The following ASF1B variants were observed in gnomAD, a reference collection of about 807,000 sequenced individuals.
ASF1B encodes the protein histone chaperone ASF1B.
In ASF1B, 10 loss-of-function variants were observed where a neutral mutation model predicts 16.6. The observed-to-expected ratio is 0.60, with a 90% CI of 0.37 to 1.02. ASF1B has a LOEUF of 1.02. ASF1B is among the 50% of genes least tolerant of loss of function. The pLI, the probability that ASF1B is intolerant of heterozygous loss-of-function variation, is 0.01. For missense variants in ASF1B, 240 were observed against 266.0 expected (o/e 0.90, Z 0.68); for synonymous variants, 101 against 106.2 (o/e 0.95, Z 0.30).
chr19:14,134,461 C>T (rs1334662081), intron 1 of ASF1B, among the ~76,000 whole-genome samples: 2 of 152,042 alleles, frequency 1.3e-5, no homozygotes, highest in Non-Finnish European at 2.9e-5. Flanking sequence ...AAAACACCTA[C>T]CTGCCCCCGA....
intron 2 of ASF1B, among the ~76,000 whole-genome samples, chr19:14,125,432 G>A (rs1354115023): frequency 6.6e-6 from 1 of 150,508 alleles, no homozygotes; most frequent in Non-Finnish European, 1.5e-5. Context: ...GTAAATAATG[G>A]GAATTGCCTG....
chr19:14,123,794 T>TA (rs1037844165), intron 2 of ASF1B, among the ~76,000 whole-genome samples: 2 of 150,260 alleles, frequency 1.3e-5, no homozygotes, highest in Non-Finnish European at 3.0e-5. Context: ...CTATTTTTTT[T>TA]TTTTTTTTTT....
intron 2 of ASF1B, among the ~76,000 whole-genome samples, chr19:14,125,198 C>T (rs1416365018): frequency 2.0e-5 from 3 of 152,124 alleles, no homozygotes; most frequent in Non-Finnish European, 4.4e-5. Context: ...AACTCCTGAC[C>T]TCAGGCGATC....
intron 3 of ASF1B, chr19:14,121,283 T>TC (rs1599355951): frequency 4.4e-6 from 2 of 449,484 alleles, no homozygotes; most frequent in East Asian, 6.9e-5. Context: ...TCATTTTTTT[T>TC]TTTTTTTTTT....
intron 1 of ASF1B, among the ~76,000 whole-genome samples, chr19:14,128,780 T>C (rs990208145): frequency 1.3e-5 from 2 of 152,328 alleles, no homozygotes; most frequent in African/African-American, 4.8e-5. Context: ...TTGTTACAAG[T>C]AGTGACACAA....
intron 1 of ASF1B, among the ~76,000 whole-genome samples, chr19:14,126,896 T>C (rs1967326706): frequency 6.6e-6 from 1 of 152,178 alleles, no homozygotes; most frequent in African/African-American, 2.4e-5. Flanking sequence ...TGTGAGCCAC[T>C]GCGCCCGGCC....
chr19:14,130,471 C>A (rs1209648963), intron 1 of ASF1B, among the ~76,000 whole-genome samples: 1 of 150,624 alleles, frequency 6.6e-6, no homozygotes, highest in Non-Finnish European at 1.5e-5. Flanking sequence ...GAGTTCAAGT[C>A]CAGTCTGGGC....
chr19:14,123,885 G>A (rs1967279771), intron 2 of ASF1B, among the ~76,000 whole-genome samples: 1 of 151,456 alleles, frequency 6.6e-6, no homozygotes, highest in South Asian at 2.1e-4. Context: ...CCGCCCCCTG[G>A]ATTCAAATAA....
chr19:14,133,400 G>A (rs888344469), intron 1 of ASF1B, among the ~76,000 whole-genome samples: 1 of 152,152 alleles, frequency 6.6e-6, no homozygotes, highest in Admixed American at 6.5e-5. Flanking sequence ...GGACGCAGTG[G>A]CTCACGCCTG....
intron 2 of ASF1B, among the ~76,000 whole-genome samples, chr19:14,123,992 A>G (rs1163147516): frequency 1.3e-5 from 2 of 151,932 alleles, no homozygotes; most frequent in Non-Finnish European, 2.9e-5. Context: ...GGGTTTCACC[A>G]TGTTGGCCAG....
At chr19:14,121,830 CTT>C in intron 2 of ASF1B, 122 bp from the exon 3 acceptor site, 1 of 896,114 alleles carries the variant, frequency 1.1e-6, no homozygotes, top group Non-Finnish European at 1.6e-6. Flanking sequence ...CCTCAGTTTT[CTT>C]TTTTTTACTT....
chr19:14,124,903 G>A (rs141564945), intron 2 of ASF1B, among the ~76,000 whole-genome samples: 21 of 152,192 alleles, frequency 1.4e-4, no homozygotes, highest in Non-Finnish European at 2.4e-4. Context: ...TTTCATTCAG[G>A]AGAGTTATAG....
At position 14,120,808 on chromosome 19, in the gene ASF1B, CTTATTTAT is replaced by C. The variant is rs547008412; in HGVS notation, c.403-151_403-144del. ...TCCAGAAAACACCTGTGGCCAGGACCTTATTTATTTATTTATTTATTTATTTTTTGAGA... is the reference window on the plus strand; with the variant it reads ...TCCAGAAAACACCTGTGGCCAGGACCTTATTTATTTATTTATTTTTTGAGA... On this transcript the variant is annotated intron_variant, in intron 3 of 3. Coordinates refer to ENST00000263382, the MANE Select transcript of ASF1B (RefSeq NM_018154.3). 187 of 653,156 alleles carry C rather than the reference CTTATTTAT, an allele frequency of 2.9e-4. 2 individuals are homozygous for C. In the South Asian group the frequency reaches 3.1e-3, roughly 11 times the overall value. 40.5% of individuals were successfully genotyped at this position (653,156 alleles called of 1,614,324 possible).
At chr19:14,126,921 ATTTT>A (rs1173397664) in intron 1 of ASF1B, among the ~76,000 whole-genome samples, 2 of 151,628 alleles carry the variant, frequency 1.3e-5, no homozygotes, top group African/African-American at 2.4e-5. Flanking sequence ...CTTCTATTTT[ATTTT>A]TATTTACTTA....
At chr19:14,126,305 G>C in intron 1 of ASF1B, 68 bp from the exon 2 acceptor site, 5 of 1,053,798 alleles carry the variant, frequency 4.7e-6, no homozygotes, top group South Asian at 1.4e-5. Flanking sequence ...ATAGGCTCTT[G>C]TATTTTTTTT....
intron 2 of ASF1B, among the ~76,000 whole-genome samples, chr19:14,123,529 G>A (rs529284550): frequency 3.3e-4 from 50 of 151,188 alleles, no homozygotes; most frequent in African/African-American, 1.2e-3. Context: ...ACAGGTGCCC[G>A]CCACCAGGCC....
At chr19:14,129,807 G>T (rs1409887890) in intron 1 of ASF1B, among the ~76,000 whole-genome samples, 1 of 151,458 alleles carries the variant, frequency 6.6e-6, no homozygotes, top group Non-Finnish European at 1.5e-5. Flanking sequence ...AGCACTTTGG[G>T]AGGCTGAGGC....
chr19:14,126,307 ATT>A (rs376176283), intron 1 of ASF1B, 70 bp from the exon 2 acceptor site: 5,052 of 821,544 alleles, frequency 6.1e-3, no homozygotes, highest in Middle Eastern at 9.1e-3. Flanking sequence ...AGGCTCTTGT[ATT>A]TTTTTTTTTT....
At chr19:14,135,402 G>A (rs935490297) in intron 1 of ASF1B, among the ~76,000 whole-genome samples, 1 of 152,144 alleles carries the variant, frequency 6.6e-6, no homozygotes, top group Non-Finnish European at 1.5e-5. Context: ...GGTGGGGAAG[G>A]GGAGCTGGGG....
Sources: allele counts gnomAD v4.1 joint callset (sites outside exome capture counted in the v4.1 genomes callset), GRCh38; gene constraint gnomAD v4.1.1; transcripts MANE v1.5; gene names NCBI Gene and HGNC (gene_info 2026-07-23, HGNC 2026-07-21).